FHIP2A: variants seen among roughly 807,000 people sequenced by gnomAD.
FHIP2A encodes the protein family with sequence similarity 160 member B1.
Under a neutral mutation model 93.5 loss-of-function variants are expected in FHIP2A, and 46 were observed. That is an observed-to-expected ratio of 0.49 (90% confidence interval 0.39 to 0.63). FHIP2A has a LOEUF of 0.63. FHIP2A is among the 20% of genes least tolerant of loss of function. The pLI is 0.00. For missense variants in FHIP2A, 769 were observed against 909.7 expected, an observed-to-expected ratio of 0.85 and a Z score of 1.99; for synonymous variants, 332 against 326.5, an observed-to-expected ratio of 1.02 and a Z score of -0.18.
intron 16 of FHIP2A, among the ~76,000 whole-genome samples, chr10:114,878,111 A>G (rs1441683006): frequency 6.6e-6 from 1 of 152,138 alleles, no homozygotes; most frequent in Non-Finnish European, 1.5e-5. Flanking sequence ...CCAGTACTTC[A>G]TGCATATATA....
chr10:114,836,198 G>C lies in FHIP2A; in HGVS notation c.474G>C (p.Val158=). The change falls in exon 5 of 17, where the codon GTG becomes GTC. Residue 158 remains valine (V), a synonymous_variant. Transcript: ENST00000369248. Reference sequence around the variant, plus strand: ...AAGAGATTCAGTTTCTTTGCATTGTGTGTGCGAAGCTGAAACAGGACCCCT... The same window carrying C: ...AAGAGATTCAGTTTCTTTGCATTGTCTGTGCGAAGCTGAAACAGGACCCCT... ...ENEEIQFLCI[V]CAKLKQDPYL... 1 of 1,603,152 alleles carries C rather than the reference G, an allele frequency of 6.2e-7. No individual in the cohort carries two copies.
chr10:114,844,334 CTCT>C (rs887688128), intron 7 of FHIP2A, among the ~76,000 whole-genome samples: 15 of 152,188 alleles, frequency 9.9e-5, no homozygotes, highest in African/African-American at 2.4e-4. Context: ...ATTCTTTCAC[CTCT>C]TCTTCCTACC....
intron 10 of FHIP2A, 45 bp downstream of exon 10, chr10:114,846,412 T>A (rs1360412335): frequency 1.4e-6 from 2 of 1,457,660 alleles, no homozygotes; most frequent in Non-Finnish European, 1.9e-6. Flanking sequence ...TTCTTTGAAA[T>A]ACGGTTTTAA....
intron 16 of FHIP2A, among the ~76,000 whole-genome samples, chr10:114,893,356 A>G (rs1157441632): frequency 6.6e-6 from 1 of 152,232 alleles, no homozygotes; most frequent in East Asian, 1.9e-4. Context: ...CTATCAATCA[A>G]TGCAACTTGC....
At chr10:114,899,353 AAAT>A (rs1566393210) in intron 16 of FHIP2A, 5 of 575,818 alleles carry the variant, frequency 8.7e-6, no homozygotes, top group Admixed American at 6.4e-5. Flanking sequence ...TGTAAGCACA[AAAT>A]AATATGTATT....
chr10:114,831,029 T>A (rs1016245440), intron 2 of FHIP2A, 99 bp downstream of exon 2: 83 of 655,172 alleles, frequency 1.3e-4, no homozygotes, highest in Non-Finnish European at 2.1e-4. Flanking sequence ...AAAGTTATTT[T>A]ATATTTAAGT....
intron 13 of FHIP2A, among the ~76,000 whole-genome samples, chr10:114,851,689 T>C (rs2083736878): frequency 7.2e-6 from 1 of 138,456 alleles, no homozygotes; most frequent in Non-Finnish European, 1.5e-5. Flanking sequence ...CCATATGAAT[T>C]TTAGGATTAC....
chr10:114,876,785 T>A (rs536579575), intron 16 of FHIP2A, among the ~76,000 whole-genome samples: 1 of 152,208 alleles, frequency 6.6e-6, no homozygotes, highest in East Asian at 1.9e-4. Flanking sequence ...TGGTGAGACT[T>A]CTTCTCTGCT....
At chr10:114,844,464 G>A (rs912672106) in intron 7 of FHIP2A, among the ~76,000 whole-genome samples, 4 of 152,144 alleles carry the variant, frequency 2.6e-5, no homozygotes, top group African/African-American at 9.7e-5. Flanking sequence ...CCACCTGTAA[G>A]CAGCCTAAGG....
Position 114,842,794 on chromosome 10 carries a change from CAG to C in FHIP2A, c.523-137_523-136del. 6.5e-6 allele frequency: 4 copies of C among 617,950 alleles called. No individual in the cohort carries two copies. In the South Asian group the frequency reaches 8.7e-5, roughly 13 times the overall value. 38.3% of individuals were successfully genotyped at this position (617,950 alleles called of 1,614,324 possible). A position where few individuals can be genotyped will look rare whatever the true frequency, so the allele number is the denominator to read the frequency against. On this transcript the variant is annotated intron_variant, in intron 5 of 16. Transcript: ENST00000369248. ...TTCTAAAACACAGTTTGTTAAAAGT[CAG>C]AATATTTTCATGTGACATAACATCT...
chr10:114,860,803 C>T lies in FHIP2A; in HGVS notation c.2002C>T (p.Pro668Ser). 1 of 1,608,788 alleles carries T rather than the reference C, an allele frequency of 6.2e-7. No homozygotes were observed. Among genetic ancestry groups the T allele is most frequent in the Non-Finnish European group, 8.5e-7 (1 of 1,175,250 alleles). Residue 668 changes from proline (P) to serine (S), a missense_variant, in exon 15 of 17, where the codon CCT becomes TCT. By Grantham distance (74) the Pro-to-Ser change is moderately conservative (BLOSUM62 -1). Transcript: ENST00000369248. ...TSVLSRLSLFPHPHIHEYLLD... is the reference protein window; with the variant it reads ...TSVLSRLSLFSHPHIHEYLLD... Reference sequence around the variant, plus strand: ...AGTGTTATCTAGACTTTCTCTCTTCCCTCATCCACACATCCACGAGTACCT... The same window carrying T: ...AGTGTTATCTAGACTTTCTCTCTTCTCTCATCCACACATCCACGAGTACCT...
At chr10:114,841,851 T>C (rs964314905) in intron 5 of FHIP2A, among the ~76,000 whole-genome samples, 1 of 152,202 alleles carries the variant, frequency 6.6e-6, no homozygotes, top group African/African-American at 2.4e-5. Flanking sequence ...TTTAACCTAC[T>C]TGTGTAATCT....
At chr10:114,868,707 G>C (rs1303994315), downstream of FHIP2A, among the ~76,000 whole-genome samples, 1 of 152,152 alleles carries the variant, frequency 6.6e-6, no homozygotes. Flanking sequence ...TATCAGAGGG[G>C]AGAGTAAGGG....
chr10:114,860,005 T>G (rs1272237492), intron 14 of FHIP2A, among the ~76,000 whole-genome samples: 2 of 152,202 alleles, frequency 1.3e-5, no homozygotes, highest in Non-Finnish European at 2.9e-5. Context: ...TTGAATAATC[T>G]GAGGTGAGGA....
At chr10:114,890,214 G>A (rs1035051654) in intron 16 of FHIP2A, among the ~76,000 whole-genome samples, 1 of 152,030 alleles carries the variant, frequency 6.6e-6, no homozygotes, top group African/African-American at 2.4e-5. Flanking sequence ...TTTTAGTAGA[G>A]ACGAGGTTTC....
intron 16 of FHIP2A, among the ~76,000 whole-genome samples, chr10:114,893,822 C>T (rs1164632145): frequency 1.3e-5 from 2 of 151,834 alleles, no homozygotes; most frequent in Non-Finnish European, 2.9e-5. Context: ...TTTTCAAAGA[C>T]CACATAATGA....
intron 16 of FHIP2A, among the ~76,000 whole-genome samples, chr10:114,898,673 C>T (rs938466243): frequency 6.6e-6 from 1 of 152,120 alleles, no homozygotes; most frequent in African/African-American, 2.4e-5. Flanking sequence ...CTTTATATTA[C>T]ATTTTTTCTC....
intron 5 of FHIP2A, among the ~76,000 whole-genome samples, chr10:114,840,982 CA>C (rs2083665277): frequency 6.6e-6 from 1 of 152,060 alleles, no homozygotes; most frequent in African/African-American, 2.4e-5. Context: ...TAGTAGGAAC[CA>C]AAGTGTTAAA....
chr10:114,869,291 A>T (rs1566381595), downstream of FHIP2A, among the ~76,000 whole-genome samples: 2 of 152,182 alleles, frequency 1.3e-5, no homozygotes. Context: ...GGGAGAAACA[A>T]ATTAGCCATT....
Sources: allele counts gnomAD v4.1 joint callset (sites outside exome capture counted in the v4.1 genomes callset), GRCh38; gene constraint gnomAD v4.1.1; transcripts MANE v1.5; gene names NCBI Gene and HGNC (gene_info 2026-07-23, HGNC 2026-07-21).